Variants in SNCAIP observed in about 807,000 individuals in gnomAD.
SNCAIP encodes synuclein alpha interacting protein.
A neutral mutation model predicts 86.7 loss-of-function variants in SNCAIP; 43 were observed. The ratio of observed to expected loss-of-function variants is 0.50; its 90% CI spans 0.39 to 0.64. SNCAIP has a LOEUF of 0.64. Among genes scored for constraint, SNCAIP ranks in the 30% least tolerant of loss-of-function variants. SNCAIP has a pLI of 0.00. For missense variants in SNCAIP, 981 were observed against 1,103.1 expected (o/e 0.89, Z 1.57); for synonymous variants, 417 against 427.2 (o/e 0.98, Z 0.29).
At chr5:122,394,165 G>A (rs1770081218) in intron 2 of SNCAIP, among the ~76,000 whole-genome samples, 2 of 152,026 alleles carry the variant, frequency 1.3e-5, no homozygotes, top group African/African-American at 4.8e-5. Flanking sequence ...GCAGGAGGGG[G>A]AGGAAACTGC....
Position 122,444,608 on chromosome 5 carries a change from G to A in SNCAIP, c.1468G>A (p.Gly490Arg). 1.2e-6 allele frequency: 2 copies of A among 1,614,130 alleles called. No homozygotes were observed. The highest frequency in any genetic ancestry group is 1.1e-5 in the South Asian group (1 of 91,076). The stretch of plus-strand genomic sequence containing the variant: ...AAATGTCACCATGCAGAACCACGCT[G>A]GGGAAAAGCCCTCCCAGAGCGCCGA... Reference protein sequence around the residue: ...GANVTMQNHAGEKPSQSAERQ... With the variant: ...GANVTMQNHAREKPSQSAERQ... The change falls in exon 8 of 11, where the codon GGG becomes AGG. Residue 490 changes from glycine to arginine, a missense_variant. By Grantham distance (125) the Gly-to-Arg change is moderately radical (BLOSUM62 -2). Transcript: ENST00000261368.
At chr5:122,442,935 A>G (rs1426496632) in intron 7 of SNCAIP, among the ~76,000 whole-genome samples, 2 of 152,244 alleles carry the variant, frequency 1.3e-5, no homozygotes, top group African/African-American at 2.4e-5. Flanking sequence ...AGAGACCGAG[A>G]GTGAGCAAGG....
intron 1 of SNCAIP, among the ~76,000 whole-genome samples, chr5:122,352,983 C>G (rs796961159): frequency 1.2e-4 from 19 of 152,264 alleles, no homozygotes; most frequent in African/African-American, 4.6e-4. Context: ...CTGGGAAATC[C>G]TTTGATACAC....
chr5:122,318,220 T>A (rs1009991501), intron 1 of SNCAIP, among the ~76,000 whole-genome samples: 1 of 152,150 alleles, frequency 6.6e-6, no homozygotes, highest in Non-Finnish European at 1.5e-5. Context: ...GCATGTGCTT[T>A]TACATGGGCT....
chr5:122,313,631 G>A (rs1262936427), intron 1 of SNCAIP, among the ~76,000 whole-genome samples: 1 of 152,274 alleles, frequency 6.6e-6, no homozygotes, highest in East Asian at 1.9e-4. Context: ...GTATGCTAAT[G>A]TGTACACATC....
At chr5:122,362,782 A>G (rs1762443876) in intron 1 of SNCAIP, among the ~76,000 whole-genome samples, 1 of 152,194 alleles carries the variant, frequency 6.6e-6, no homozygotes, top group Admixed American at 6.5e-5. Context: ...CGGCCTAGGC[A>G]GTGCCCTCCT....
rs370727741 is a variant in SNCAIP, at chr5:122,451,367, G to C, written c.2520G>C (p.Lys840Asn). 5 of 1,614,028 alleles carry C rather than the reference G, an allele frequency of 3.1e-6. No individual in the cohort carries two copies. Among genetic ancestry groups the C allele is most frequent in the Non-Finnish European group, 3.4e-6 (4 of 1,180,020 alleles). ...TGAATGGAGAAAAAGACAAAGATAAGGGCAGGACTCTCCAGCGGACCTCCA... is the reference window on the plus strand; with the variant it reads ...TGAATGGAGAAAAAGACAAAGATAACGGCAGGACTCTCCAGCGGACCTCCA... Reference protein sequence around the residue: ...LELNGEKDKDKGRTLQRTSTS... With the variant: ...LELNGEKDKDNGRTLQRTSTS... The change falls in exon 10 of 11, where the codon AAG becomes AAC. Residue 840 changes from lysine to asparagine, a missense_variant. Lys to Asn is a moderately conservative substitution (Grantham distance 94, BLOSUM62 0). Coordinates refer to ENST00000261368, the MANE Select transcript of SNCAIP (RefSeq NM_005460.4).
At chr5:122,403,997 A>G (rs1772424749) in intron 3 of SNCAIP, 132 bp downstream of exon 3, 1 of 706,124 alleles carries the variant, frequency 1.4e-6, no homozygotes, top group Non-Finnish European at 2.6e-6. Flanking sequence ...CACTCACACC[A>G]CCCCCCACCT....
At chr5:122,316,655 A>G (rs1216157299) in intron 1 of SNCAIP, among the ~76,000 whole-genome samples, 2 of 152,176 alleles carry the variant, frequency 1.3e-5, no homozygotes, top group African/African-American at 4.8e-5. Context: ...TAAAGAAAAG[A>G]CGGTCTGGCA....
rs77990399 is a variant in SNCAIP at position 122,355,879 on chromosome 5, G to A, written c.-46-35210G>A. Among the ~76,000 whole-genome samples the A allele has an allele frequency of 1.6e-3, 246 of 152,234 alleles. 2 individuals are homozygous for A. The highest frequency in any genetic ancestry group is 6.3e-4 in the Non-Finnish European group (43 of 68,038). Reference sequence around the variant, plus strand: ...CACCAACAGACATGTCAAGAAATACGTTGTCAACTCCGAGGTTAAACACTT... The same window carrying A: ...CACCAACAGACATGTCAAGAAATACATTGTCAACTCCGAGGTTAAACACTT... On this transcript the variant is annotated intron_variant, in intron 1 of 10. Transcript: ENST00000261368.
chr5:122,360,139 A>T (rs985716321), intron 1 of SNCAIP, among the ~76,000 whole-genome samples: 1 of 152,156 alleles, frequency 6.6e-6, no homozygotes, highest in Non-Finnish European at 1.5e-5. Context: ...GATTTTGTTA[A>T]CATTTTGATG....
At chr5:122,412,097 A>G (rs1192523985) in intron 3 of SNCAIP, among the ~76,000 whole-genome samples, 1 of 152,082 alleles carries the variant, frequency 6.6e-6, no homozygotes, top group Non-Finnish European at 1.5e-5. Flanking sequence ...AGTTCTTCAA[A>G]TGTGCAGTGT....
upstream of SNCAIP, chr5:122,311,578 A>G (rs1750588664): frequency 6.6e-6 from 1 of 152,066 alleles, no homozygotes; most frequent in Non-Finnish European, 1.5e-5. Flanking sequence ...GGAACCCTGG[A>G]ATGGTCTGGG....
intron 10 of SNCAIP, among the ~76,000 whole-genome samples, chr5:122,456,508 C>A (rs1412725921): frequency 6.6e-6 from 1 of 152,036 alleles, no homozygotes; most frequent in Non-Finnish European, 1.5e-5. Context: ...GAAAAAGGAA[C>A]AAAGATGTGG....
rs934679507 is a variant in SNCAIP at position 122,434,862 on chromosome 5, T to A, written c.1296+2780T>A. On this transcript the variant is annotated intron_variant, in intron 6 of 10. Coordinates refer to ENST00000261368, the MANE Select transcript of SNCAIP (RefSeq NM_005460.4). The stretch of plus-strand genomic sequence containing the variant: ...TTCAGCATATGCAAGTTTTTCTACA[T>A]CCAGCAGGCATTTGAGTGTGTCCTG... Among the ~76,000 whole-genome samples, 6 of 152,284 alleles carry A rather than the reference T, an allele frequency of 3.9e-5. No homozygotes were observed. The East Asian group carries it at 1.2e-3, about 29-fold the overall frequency.
chr5:122,312,282 C>T lies in SNCAIP; in HGVS notation c.-49C>T, dbSNP rs192969505. The T allele has an allele frequency of 6.6e-6, 1 of 150,780 alleles. No homozygotes were observed. The highest frequency in any genetic ancestry group is 1.5e-5 in the Non-Finnish European group (1 of 67,724). The allele number at this position is 150,780 out of a possible 1,614,324, so 9.3% of individuals were successfully genotyped here. On this transcript the variant is annotated splice_region_variant and 5_prime_UTR_variant, in exon 1 of 11. Coordinates refer to ENST00000261368, the MANE Select transcript of SNCAIP (RefSeq NM_005460.4). ...TGAGCCGCCGGCGCGCCGGGCGCCCCGGGTGAGTCCAGGTCCCAAGCGGAC... is the reference window on the plus strand; with the variant it reads ...TGAGCCGCCGGCGCGCCGGGCGCCCTGGGTGAGTCCAGGTCCCAAGCGGAC...
chr5:122,453,085 T>C, intron 10 of SNCAIP: 1 of 760,500 alleles, frequency 1.3e-6, no homozygotes. Context: ...GGAGCACCTT[T>C]CATCAGGGGA....
chr5:122,338,401 A>G lies in SNCAIP; in HGVS notation c.-47+26117A>G, dbSNP rs113976170. On this transcript the variant is annotated intron_variant, in intron 1 of 10. Coordinates refer to ENST00000261368, the MANE Select transcript of SNCAIP (RefSeq NM_005460.4). ...CACAAGTCAGTCAGCTTAAAAATTCATGCTCACAATTTGTCAGTATTAATC... is the reference window on the plus strand; with the variant it reads ...CACAAGTCAGTCAGCTTAAAAATTCGTGCTCACAATTTGTCAGTATTAATC... Among the ~76,000 whole-genome samples the G allele has an allele frequency of 8.3e-3, 1,271 of 152,334 alleles. 12 individuals are homozygous for G. The highest frequency in any genetic ancestry group is 0.028 in the African/African-American group (1,180 of 41,586).
intron 10 of SNCAIP, chr5:122,452,881 G>A: frequency 8.0e-7 from 1 of 1,246,128 alleles, no homozygotes; most frequent in Non-Finnish European, 1.1e-6. Flanking sequence ...CATGTGCTGA[G>A]CTTGTTGCAT....
Sources: gnomAD v4.1 joint callset for allele counts (sites outside exome capture counted in the v4.1 genomes callset) on GRCh38, gnomAD v4.1.1 for gene constraint, MANE v1.5 for transcripts, NCBI Gene and HGNC (gene_info 2026-07-23, HGNC 2026-07-21) for gene names.